Variants in ZNF418 observed in about 807,000 individuals in gnomAD.
ZNF418 encodes the protein zinc finger protein 418.
In ZNF418, 32 loss-of-function variants were observed where a neutral mutation model predicts 32.0. The observed-to-expected ratio is 1.00, with a 90% CI of 0.75 to 1.34. The LOEUF (loss-of-function observed/expected upper bound fraction) is 1.34, where lower values mean the gene tolerates loss of function less well. Among genes scored for constraint, ZNF418 ranks in the 40% most tolerant of loss-of-function variants. ZNF418 has a pLI of 0.00. For synonymous variants in ZNF418, 276 were observed against 270.7 expected (o/e 1.02, Z -0.19); for missense variants, 804 against 812.5 (o/e 0.99, Z 0.13).
At chr19:57,923,465 C>T (rs113061876) in intron 4 of ZNF418, among the ~76,000 whole-genome samples, 176 bp from the exon 5 acceptor site, 25 of 149,564 alleles carry the variant, frequency 1.7e-4, no homozygotes, top group African/African-American at 4.9e-4. Context: ...CATATATATA[C>T]ATATATACAT....
intron 4 of ZNF418, among the ~76,000 whole-genome samples, chr19:57,923,700 G>A (rs1279525698): frequency 6.6e-6 from 1 of 151,402 alleles, no homozygotes; most frequent in Admixed American, 6.6e-5. Flanking sequence ...TCAGCCTCCC[G>A]AGTAGCTGGG....
At chr19:57,930,634 C>T (rs541096213) in intron 2 of ZNF418, 80 bp from the exon 3 acceptor site, 107 of 1,586,302 alleles carry the variant, frequency 6.7e-5, no homozygotes, top group Admixed American at 4.5e-4. Flanking sequence ...CACCCCCACC[C>T]CCTTGCCCAT....
chr19:57,928,118 T>G, intron 3 of ZNF418, 71 bp from the exon 4 acceptor site: 1 of 1,311,050 alleles, frequency 7.6e-7, no homozygotes, highest in African/African-American at 1.5e-5. Flanking sequence ...CACAAGCGTG[T>G]CTGACAAACC....
chr19:57,928,571 C>T (rs1440020695), intron 3 of ZNF418, among the ~76,000 whole-genome samples: 1 of 152,046 alleles, frequency 6.6e-6, no homozygotes, highest in Non-Finnish European at 1.5e-5. Flanking sequence ...CTGTATAACT[C>T]TTTCCTTTGC....
Position 57,926,861 on chromosome 19 carries a change from G to T in ZNF418, c.1320C>A (p.Asn440Lys), listed in dbSNP as rs372857638. Residue 440 changes from asparagine (N) to lysine (K), a missense_variant, in exon 4 of 6, where the codon AAC (asparagine) becomes AAA (lysine). Asn to Lys is a moderately conservative substitution (Grantham distance 94, BLOSUM62 0). Transcript: ENST00000396147. ...ECGKSFSRKG[N>K]LIQHQRSHTG... ...TGTGGCTTCGCTGATGCTGAATGAG[G>T]TTGCCCTTTCGACTAAAAGATTTCC... 3.1e-6 allele frequency: 5 copies of T among 1,613,894 alleles called. No individual in the cohort carries two copies. The African/African-American group carries it at 5.3e-5, about 17-fold the overall frequency.
chr19:57,928,515 C>T (rs1342888383), intron 3 of ZNF418, among the ~76,000 whole-genome samples: 2 of 152,070 alleles, frequency 1.3e-5, no homozygotes, highest in African/African-American at 4.8e-5. Context: ...CCACCCACAT[C>T]GGCCTCCCAA....
chr19:57,933,705 A>G, intron 2 of ZNF418, 112 bp downstream of exon 2: 1 of 1,381,026 alleles, frequency 7.2e-7, no homozygotes, highest in East Asian at 2.3e-5. Context: ...TGGGCGATAG[A>G]GCGAGACTCC....
chr19:57,923,669 G>A (rs2072098618), intron 4 of ZNF418, among the ~76,000 whole-genome samples: 1 of 151,822 alleles, frequency 6.6e-6, no homozygotes. Flanking sequence ...CCACCTCCCG[G>A]GTTCACTCCA....
chr19:57,928,629 T>C (rs540416711), intron 3 of ZNF418, among the ~76,000 whole-genome samples: 34 of 152,238 alleles, frequency 2.2e-4, no homozygotes, highest in Non-Finnish European at 2.4e-4. Flanking sequence ...TAATGCTATA[T>C]AGAAGGCTAT....
intron 4 of ZNF418, among the ~76,000 whole-genome samples, chr19:57,925,307 A>G (rs1033949120): frequency 2.6e-5 from 4 of 152,066 alleles, no homozygotes; most frequent in Admixed American, 6.6e-5. Flanking sequence ...AAAAATACAA[A>G]AAAATTAGCT....
At chr19:57,932,669 GA>G (rs2072532270) in intron 2 of ZNF418, 4 of 1,391,356 alleles carry the variant, frequency 2.9e-6, no homozygotes, top group Non-Finnish European at 3.7e-6. Flanking sequence ...GAAAACAAAA[GA>G]AAAAAATAAA....
intron 3 of ZNF418, among the ~76,000 whole-genome samples, chr19:57,929,839 C>T (rs1257779510): frequency 2.0e-5 from 3 of 152,112 alleles, no homozygotes; most frequent in African/African-American, 7.2e-5. Flanking sequence ...CCCGCCACCA[C>T]GCCCAGCTAA....
At chr19:57,925,492 A>T (rs908886215) in intron 4 of ZNF418, 131 bp downstream of exon 4, 9 of 152,256 alleles carry the variant, frequency 5.9e-5, no homozygotes, top group African/African-American at 2.2e-4. Flanking sequence ...CATGAGACCC[A>T]TAAGGTCCCT....
rs1484295539 is a variant in ZNF418, at chr19:57,926,452, T to C, written c.1729A>G (p.Ser577Gly). 6.2e-7 allele frequency: 1 copy of C among 1,613,206 alleles called. No homozygotes were observed. Among genetic ancestry groups the C allele is most frequent in the Admixed American group, 1.7e-5 (1 of 59,924 alleles). The change falls in exon 4 of 6, where the codon AGT becomes GGT. Residue 577 changes from serine to glycine, a missense_variant. This residue lies in a region of ZNF418 where 475 missense variants were observed against 458.6 expected (regional missense o/e 1.04). Transcript: ENST00000396147. Reference sequence around the variant, plus strand: ...TGAACTCTCCTGTGTTCAAGGAGACTGGAGAAGAATTTCCCACATTCTCTG... The same window carrying C: ...TGAACTCTCCTGTGTTCAAGGAGACCGGAGAAGAATTTCCCACATTCTCTG... ...ECRECGKFFSSLLEHRRVHTG... is the reference protein window; with the variant it reads ...ECRECGKFFSGLLEHRRVHTG...
chr19:57,927,792 T>A lies in ZNF418; in HGVS notation c.389A>T (p.Gln130Leu), dbSNP rs368413523. The A allele has an allele frequency of 6.2e-7, 1 of 1,614,240 alleles. No homozygotes were observed. Among genetic ancestry groups the A allele is most frequent in the African/African-American group, 1.3e-5 (1 of 75,060 alleles). The change falls in exon 4 of 6, where the codon CAG (glutamine) becomes CTG (leucine). Residue 130 changes from glutamine (Q) to leucine (L), a missense_variant. Transcript: ENST00000396147. ...YDSSNRPHQN[Q>L]YLGEKPYRSS... is the part of the protein sequence containing the mutation. Reference sequence around the variant, plus strand: ...TCTATAGGGTTTCTCTCCAAGGTACTGATTCTGGTGCGGACGGTTTGAACT... The same window carrying A: ...TCTATAGGGTTTCTCTCCAAGGTACAGATTCTGGTGCGGACGGTTTGAACT...
At position 57,934,231 on chromosome 19, in the gene ZNF418, G is replaced by C. The variant is rs752778720; in HGVS notation, c.-80-329C>G. ...GAACACCCTCTAATTCCCTCTGTGG[G>C]TTCCTTTTTTTGAGCCAGAGTTTCG... is the stretch of plus-strand genomic sequence containing the variant. On this transcript the variant is annotated intron_variant, in intron 1 of 5. Coordinates refer to ENST00000396147, the MANE Select transcript of ZNF418 (RefSeq NM_133460.3). The C allele has an allele frequency of 2.9e-6, 3 of 1,048,910 alleles. No individual in the cohort carries two copies. The East Asian group carries it at 2.4e-4, about 85-fold the overall frequency. 65.0% of individuals were successfully genotyped at this position (1,048,910 alleles called of 1,614,324 possible).
intron 2 of ZNF418, among the ~76,000 whole-genome samples, chr19:57,932,108 TGTGATA>T (rs2072512318): frequency 6.6e-6 from 1 of 152,152 alleles, no homozygotes; most frequent in South Asian, 2.1e-4. Flanking sequence ...ATGAAGAGGG[TGTGATA>T]GCCCCTGATT....
intron 4 of ZNF418, among the ~76,000 whole-genome samples, chr19:57,923,920 A>G (rs560416316): frequency 7.2e-5 from 11 of 151,868 alleles, no homozygotes; most frequent in Admixed American, 5.9e-4. Context: ...CACATGGTAC[A>G]GTTTAAATAT....
rs149565840 is a variant in ZNF418 at position 57,925,739 on chromosome 19, T to C, written c.*411A>G. The C allele has an allele frequency of 5.6e-6, 1 of 180,168 alleles. No homozygotes were observed. The highest frequency in any genetic ancestry group is 1.2e-5 in the Non-Finnish European group (1 of 84,244). The allele number at this position is 180,168 out of a possible 1,614,324, so 11.2% of individuals were successfully genotyped here. A position where few individuals can be genotyped will look rare whatever the true frequency, so the allele number is the denominator to read the frequency against. On this transcript the variant is annotated 3_prime_UTR_variant, in exon 4 of 6. Coordinates refer to ENST00000396147, the MANE Select transcript of ZNF418 (RefSeq NM_133460.3). Reference sequence around the variant, plus strand: ...CCGACATAAAATGGCTTTTGCCAGATAACCGACATCATGTCTGGCAAGGGA... The same window carrying C: ...CCGACATAAAATGGCTTTTGCCAGACAACCGACATCATGTCTGGCAAGGGA...
Sources: allele counts gnomAD v4.1 joint callset (sites outside exome capture counted in the v4.1 genomes callset), GRCh38; gene constraint gnomAD v4.1.1; regional missense constraint gnomAD v4.1.1; transcripts MANE v1.5; gene names NCBI Gene and HGNC (gene_info 2026-07-23, HGNC 2026-07-21).